CNOT1: variants seen among roughly 807,000 people sequenced by gnomAD.
CNOT1 encodes the protein CCR4-NOT transcription complex subunit 1, also known as CCR4-associated factor 1.
CNOT1 carries 15 observed loss-of-function variants against 273.8 expected under a neutral mutation model. That is an observed-to-expected ratio of 0.05 (90% CI 0.04 to 0.08). The LOEUF is 0.08. Ranked by LOEUF, CNOT1 falls within the 10% of genes least tolerant of loss-of-function variation. CNOT1 has a pLI of 1.00. For synonymous variants in CNOT1, 1,022 were observed against 1,005.5 expected (o/e 1.02, Z -0.31); for missense variants, 1,644 against 2,912.2 (o/e 0.56, Z 10.02).
At chr16:58,530,371 G>A (rs776490440) in intron 42 of CNOT1, 24 bp from the exon 43 acceptor site, 26 of 1,566,480 alleles carry the variant, frequency 1.7e-5, no homozygotes, top group Non-Finnish European at 1.7e-5. Context: ...ATGTACATGA[G>A]TCATAATTAT....
At chr16:58,541,371 A>T (rs2040091752) in intron 34 of CNOT1, 130 bp downstream of exon 34, 3 of 1,386,450 alleles carry the variant, frequency 2.2e-6, no homozygotes, top group Non-Finnish European at 2.9e-6. Flanking sequence ...AATACCTACA[A>T]CTCAAAAACT....
intron 24 of CNOT1, 138 bp downstream of exon 24, chr16:58,550,994 C>T: frequency 6.9e-7 from 1 of 1,441,992 alleles, no homozygotes; most frequent in Non-Finnish European, 9.1e-7. Context: ...GTCTACCAAA[C>T]CCACTAGTTA....
intron 38 of CNOT1, among the ~76,000 whole-genome samples, chr16:58,537,538 G>T (rs1280946427): frequency 1.3e-5 from 2 of 152,138 alleles, no homozygotes; most frequent in Admixed American, 6.5e-5. Flanking sequence ...TACTTCTCTT[G>T]ATTTCCAATA....
chr16:58,550,600 T>TA (rs2040417069), intron 24 of CNOT1, among the ~76,000 whole-genome samples: 2 of 152,208 alleles, frequency 1.3e-5, no homozygotes, highest in African/African-American at 2.4e-5. Context: ...GTTAATCAAC[T>TA]ATTTGTTTTA....
intron 45 of CNOT1, among the ~76,000 whole-genome samples, 157 bp downstream of exon 45, chr16:58,525,832 A>G (rs551296721): frequency 6.6e-6 from 1 of 152,358 alleles, no homozygotes; most frequent in African/African-American, 2.4e-5. Context: ...CACTGATTAA[A>G]TGAACTAGTA....
chr16:58,591,754 C>CA (rs2042063308), intron 2 of CNOT1, among the ~76,000 whole-genome samples: 1 of 144,442 alleles, frequency 6.9e-6, no homozygotes, highest in African/African-American at 2.5e-5. Flanking sequence ...AACTCCGTCT[C>CA]GAAAAAAAAA....
intron 1 of CNOT1, among the ~76,000 whole-genome samples, chr16:58,609,744 T>C (rs967386678): frequency 6.6e-6 from 1 of 152,078 alleles, no homozygotes; most frequent in African/African-American, 2.4e-5. Flanking sequence ...ATTATAGCCA[T>C]GAACTATGTG....
rs150818101 is a variant in CNOT1, at chr16:58,607,897, C to T, written c.-174-8386G>A. Among the ~76,000 whole-genome samples, 293 of 151,972 alleles carry T rather than the reference C, an allele frequency of 1.9e-3. 1 individual carries two copies. The highest frequency in any genetic ancestry group is 3.5e-3 in the Non-Finnish European group (235 of 67,992). ...TTGAAAATTTTAAGAAAAGGCCAGG[C>T]GCGGTGACTCACACCTGTAAACCCA... On this transcript the variant is annotated intron_variant, in intron 1 of 48. Coordinates refer to ENST00000317147, the MANE Select transcript of CNOT1 (RefSeq NM_016284.5).
chr16:58,546,678 G>C lies in CNOT1; in HGVS notation c.3822C>G (p.Asp1274Glu). ...NVLAELHQEH[D>E]LKLNLKFEIE... Reference sequence around the variant, plus strand: ...CAAGGAAGCAGTAAATTACCTTTAAGTCATGCTCCTGATGTAGCTCAGCTA... The same window carrying C: ...CAAGGAAGCAGTAAATTACCTTTAACTCATGCTCCTGATGTAGCTCAGCTA... Residue 1274 changes from aspartate (D) to glutamate (E), a missense_variant, in exon 28 of 49, where the codon GAC becomes GAG. This residue lies in a region of CNOT1 where 124 missense variants were observed against 289.3 expected (regional missense o/e 0.43). Coordinates refer to ENST00000317147, the MANE Select transcript of CNOT1 (RefSeq NM_016284.5). The C allele has an allele frequency of 6.2e-7, 1 of 1,613,908 alleles. No homozygotes were observed. Among genetic ancestry groups the C allele is most frequent in the Non-Finnish European group, 8.5e-7 (1 of 1,179,926 alleles).
chr16:58,563,051 A>C (rs1279557850), intron 16 of CNOT1, among the ~76,000 whole-genome samples: 1 of 152,348 alleles, frequency 6.6e-6, no homozygotes, highest in Non-Finnish European at 1.5e-5. Context: ...TACTTGTGCC[A>C]ATAGCAAAAT....
intron 6 of CNOT1, 111 bp from the exon 7 acceptor site, chr16:58,586,859 C>T (rs2041889753): frequency 8.1e-7 from 1 of 1,233,838 alleles, no homozygotes; most frequent in African/African-American, 1.5e-5. Context: ...CCAGTTCACC[C>T]ATCTCTCTAA....
chr16:58,537,402 C>T (rs571034607), intron 38 of CNOT1, among the ~76,000 whole-genome samples, 182 bp from the exon 39 acceptor site: 1 of 152,176 alleles, frequency 6.6e-6, no homozygotes, highest in African/African-American at 2.4e-5. Context: ...GAGCATACAA[C>T]ACACAAACAA....
At chr16:58,584,733 G>C (rs200050951) in intron 8 of CNOT1, among the ~76,000 whole-genome samples, 2 of 152,140 alleles carry the variant, frequency 1.3e-5, no homozygotes, top group African/African-American at 4.8e-5. Context: ...TCAAACCTCA[G>C]TGAGAATGTG....
chr16:58,528,051 T>G (rs1429852499), intron 44 of CNOT1: 3 of 417,078 alleles, frequency 7.2e-6, no homozygotes, highest in Non-Finnish European at 1.4e-5. Context: ...AAGGGGAGGT[T>G]GCAGTAAGCC....
chr16:58,610,093 G>C (rs968354440), intron 1 of CNOT1, among the ~76,000 whole-genome samples: 2 of 152,184 alleles, frequency 1.3e-5, no homozygotes, highest in Admixed American at 1.3e-4. Flanking sequence ...CTGTGTGTAA[G>C]AATTGGAAAG....
In CNOT1 at chr16:58,555,557, A is replaced by T; in HGVS notation, c.2605-20T>A. On this transcript the variant is annotated intron_variant, in intron 20 of 48. Coordinates refer to ENST00000317147, the MANE Select transcript of CNOT1 (RefSeq NM_016284.5). ...TAATACCTGGAAAAGCAAGACAAAA[A>T]CAACGCACACATAAAGGAAACAATT... is the stretch of plus-strand genomic sequence containing the variant. 3.7e-6 allele frequency: 6 copies of T among 1,606,116 alleles called. No individual in the cohort carries two copies. The highest frequency in any genetic ancestry group is 5.1e-6 in the Non-Finnish European group (6 of 1,177,344).
chr16:58,548,371 C>T (rs375106565), intron 25 of CNOT1: 14 of 421,604 alleles, frequency 3.3e-5, no homozygotes, highest in Admixed American at 2.8e-5. Context: ...TCTGTGGTAC[C>T]TCTTGACTTA....
chr16:58,545,490 T>C lies in CNOT1; in HGVS notation c.4008A>G (p.Thr1336=). The C allele has an allele frequency of 6.2e-7, 1 of 1,613,570 alleles. No homozygotes were observed. Among genetic ancestry groups the C allele is most frequent in the Non-Finnish European group, 8.5e-7 (1 of 1,179,816 alleles). The change falls in exon 30 of 49, where the codon ACA becomes ACG. Residue 1336 remains threonine (T), a splice_region_variant and synonymous_variant. Coordinates refer to ENST00000317147, the MANE Select transcript of CNOT1 (RefSeq NM_016284.5). Reference sequence around the variant, plus strand: ...TGTTGGTAGCTGGTGTAGTAGAAGTTGCTAAATGTCAAGTAATAAAAAGAG... The same window carrying C: ...TGTTGGTAGCTGGTGTAGTAGAAGTCGCTAAATGTCAAGTAATAAAAAGAG... ...PEELPPITTT[T]TSTTPATNTT... is the part of the protein sequence containing the mutation.
intron 39 of CNOT1, among the ~76,000 whole-genome samples, chr16:58,534,965 T>G (rs960742661): frequency 6.6e-6 from 1 of 152,174 alleles, no homozygotes; most frequent in African/African-American, 2.4e-5. Flanking sequence ...AAATGTTACA[T>G]TAAGTTAAAA....
Sources: gnomAD v4.1 joint callset for allele counts (sites outside exome capture counted in the v4.1 genomes callset) on GRCh38, gnomAD v4.1.1 for gene constraint, gnomAD v4.1.1 regional missense constraint, MANE v1.5 for transcripts, NCBI Gene and HGNC (gene_info 2026-07-23, HGNC 2026-07-21) for gene names.